Variants in NR2F1-AS1 observed in about 807,000 individuals in gnomAD.
NR2F1-AS1 encodes the protein NR2F1 antisense RNA 1.
intron 4 of NR2F1-AS1, among the ~76,000 whole-genome samples, chr5:93,463,654 G>C (rs1750153078): frequency 6.6e-6 from 1 of 152,182 alleles, no homozygotes; most frequent in Non-Finnish European, 1.5e-5. Flanking sequence ...AAGCCACAGG[G>C]GTGGAACTGC....
chr5:93,495,040 T>A (rs867522298), intron 4 of NR2F1-AS1, among the ~76,000 whole-genome samples: 7 of 152,060 alleles, frequency 4.6e-5, no homozygotes, highest in Admixed American at 4.6e-4. Flanking sequence ...CAAGAAAAAT[T>A]CCTTCTACAT....
chr5:93,454,217 G>A (rs1749898833), intron 4 of NR2F1-AS1, among the ~76,000 whole-genome samples: 2 of 152,222 alleles, frequency 1.3e-5, no homozygotes, highest in African/African-American at 4.8e-5. Flanking sequence ...GGAGGTGGAG[G>A]CTGTAGTGAG....
At chr5:93,513,377 A>G (rs916173285) in intron 4 of NR2F1-AS1, among the ~76,000 whole-genome samples, 10 of 152,198 alleles carry the variant, frequency 6.6e-5, no homozygotes, top group African/African-American at 2.4e-4. Flanking sequence ...TGTTCATCGC[A>G]GCACCATCCA....
intron 4 of NR2F1-AS1, among the ~76,000 whole-genome samples, chr5:93,529,214 G>GA (rs35241217): frequency 6.6e-6 from 1 of 152,092 alleles, no homozygotes; most frequent in Non-Finnish European, 1.5e-5. Context: ...TACTGCTGGA[G>GA]AAAAAAGAAG....
intron 4 of NR2F1-AS1, among the ~76,000 whole-genome samples, chr5:93,443,149 G>A (rs1263675218): frequency 6.6e-6 from 1 of 152,204 alleles, no homozygotes. Flanking sequence ...TCTTCCAAAG[G>A]AATGCAGCTC....
upstream of NR2F1-AS1, among the ~76,000 whole-genome samples, chr5:93,581,713 TCTCTCTCTCTCTCTCTCTCTCCCC>T (rs1561519073): frequency 1.1e-4 from 7 of 63,894 alleles, no homozygotes; most frequent in African/African-American, 5.2e-4. Flanking sequence ...TCTCTCTCTC[TCTCTCTCTCTCTCTCTCTCTCCCC>T]CTCTCCCTCT....
chr5:93,427,134 T>C (rs1369833494), intron 4 of NR2F1-AS1, among the ~76,000 whole-genome samples: 2 of 152,180 alleles, frequency 1.3e-5, no homozygotes, highest in Non-Finnish European at 2.9e-5. Context: ...GCAACTGTAA[T>C]GGTAGTAAAC....
chr5:93,460,056 G>A (rs1011677926), intron 4 of NR2F1-AS1, among the ~76,000 whole-genome samples: 2 of 151,932 alleles, frequency 1.3e-5, no homozygotes, highest in Non-Finnish European at 1.5e-5. Flanking sequence ...TCAGTCCATC[G>A]ATTTGCAATA....
chr5:93,420,160 C>T (rs1004637576), intron 4 of NR2F1-AS1, among the ~76,000 whole-genome samples: 2 of 152,206 alleles, frequency 1.3e-5, no homozygotes, highest in African/African-American at 4.8e-5. Context: ...CACCACTGCA[C>T]TCCAGCCTGG....
At chr5:93,473,557 T>A (rs1228781275) in intron 4 of NR2F1-AS1, among the ~76,000 whole-genome samples, 1 of 151,616 alleles carries the variant, frequency 6.6e-6, no homozygotes, top group African/African-American at 2.4e-5. Context: ...TAACTGAAGT[T>A]GGTATCCCCT....
chr5:93,490,343 T>G (rs1341300254), intron 4 of NR2F1-AS1, among the ~76,000 whole-genome samples: 2 of 152,226 alleles, frequency 1.3e-5, no homozygotes, highest in Non-Finnish European at 2.9e-5. Context: ...ATGTGTAAAC[T>G]GTCACAAAAA....
chr5:93,487,786 C>A (rs987893413), intron 4 of NR2F1-AS1, among the ~76,000 whole-genome samples: 1 of 152,028 alleles, frequency 6.6e-6, no homozygotes. Context: ...GTATAGCCAA[C>A]ACAATCCTAA....
chr5:93,474,684 C>G (rs1750442284), intron 4 of NR2F1-AS1, among the ~76,000 whole-genome samples: 1 of 152,112 alleles, frequency 6.6e-6, no homozygotes, highest in South Asian at 2.1e-4. Flanking sequence ...GCACTAATAC[C>G]ATTCATGAGG....
chr5:93,424,408 A>G (rs1749154184), intron 4 of NR2F1-AS1, among the ~76,000 whole-genome samples: 1 of 151,924 alleles, frequency 6.6e-6, no homozygotes, highest in Admixed American at 6.6e-5. Flanking sequence ...AGTATTTACT[A>G]TATGATCAAG....
At chr5:93,577,708 T>C (rs940529735) in intron 1 of NR2F1-AS1, among the ~76,000 whole-genome samples, 1 of 152,172 alleles carries the variant, frequency 6.6e-6, no homozygotes, top group African/African-American at 2.4e-5. Context: ...CAGGGGAGAC[T>C]AATTGATTCA....
chr5:93,560,882 C>A (rs1316350932), intron 2 of NR2F1-AS1, among the ~76,000 whole-genome samples: 14 of 152,164 alleles, frequency 9.2e-5, no homozygotes. Context: ...CCTATATCTA[C>A]ATATAAAGAA....
intron 4 of NR2F1-AS1, among the ~76,000 whole-genome samples, chr5:93,466,827 A>G (rs1750242839): frequency 6.8e-6 from 1 of 146,322 alleles, no homozygotes; most frequent in East Asian, 2.1e-4. Flanking sequence ...TTCACCTCCT[A>G]CATCAGGAAT....
intron 1 of NR2F1-AS1, among the ~76,000 whole-genome samples, chr5:93,576,528 G>A (rs1443938389): frequency 6.6e-6 from 1 of 151,826 alleles, no homozygotes; most frequent in Non-Finnish European, 1.5e-5. Flanking sequence ...AGTTTAGAAG[G>A]AAATGTTAGG....
intron 4 of NR2F1-AS1, among the ~76,000 whole-genome samples, chr5:93,499,705 C>G (rs1751038685): frequency 6.6e-6 from 1 of 152,182 alleles, no homozygotes. Context: ...TCTCACATCT[C>G]TCACCAGACA....
Sources: allele counts gnomAD v4.1 joint callset (sites outside exome capture counted in the v4.1 genomes callset), GRCh38; gene constraint gnomAD v4.1.1; transcripts MANE v1.5; gene names NCBI Gene and HGNC (gene_info 2026-07-23, HGNC 2026-07-21).